GALNT17: variants seen among roughly 807,000 people sequenced by gnomAD.
GALNT17 encodes UDP-GalNAc:polypeptide N-acetylgalactosaminyltransferase-like 3.
A neutral mutation model predicts 63.7 loss-of-function variants in GALNT17; 29 were observed. That is an observed-to-expected ratio of 0.46 (90% confidence interval 0.34 to 0.62). The LOEUF (loss-of-function observed/expected upper bound fraction) is 0.62, where lower values mean the gene tolerates loss of function less well. Ranked by LOEUF, GALNT17 falls within the 20% of genes least tolerant of loss-of-function variation. The pLI, the probability that GALNT17 is intolerant of heterozygous loss-of-function variation, is 0.01. For missense variants in GALNT17, 603 were observed against 799.6 expected (o/e 0.75, Z 2.97); for synonymous variants, 305 against 318.3 (o/e 0.96, Z 0.45).
Position 71,531,077 on chromosome 7 carries a change from T to G in GALNT17, c.963-40208T>G, listed in dbSNP as rs2116779774. On this transcript the variant is annotated intron_variant, in intron 5 of 10. Coordinates refer to ENST00000333538, the MANE Select transcript of GALNT17 (RefSeq NM_022479.3). ...TTTAATTACTTTATATCAAAATGTA[T>G]TTTTATTAAAATATTTTTAAACCAT... Among the ~76,000 whole-genome samples, 2 of 152,278 alleles carry G rather than the reference T, an allele frequency of 1.3e-5. 1 individual carries two copies. The highest frequency in any genetic ancestry group is 4.1e-4 in the South Asian group (2 of 4,828).
chr7:71,550,341 T>C (rs1356609178), intron 5 of GALNT17, among the ~76,000 whole-genome samples: 1 of 151,996 alleles, frequency 6.6e-6, no homozygotes, highest in Non-Finnish European at 1.5e-5. Flanking sequence ...TACATGAGCT[T>C]TTTATTATAT....
chr7:71,329,997 A>G (rs28890822), intron 1 of GALNT17, among the ~76,000 whole-genome samples: 1,058 of 22,722 alleles, frequency 0.047, 27 homozygotes, highest in African/African-American at 0.18. Flanking sequence ...ATATATATAC[A>G]TATATGTGTG....
At chr7:71,506,252 ATTTT>A (rs1788266815) in intron 5 of GALNT17, among the ~76,000 whole-genome samples, 1 of 25,086 alleles carries the variant, frequency 4.0e-5, no homozygotes, top group Non-Finnish European at 2.0e-4. Context: ...AGGAATTTTT[ATTTT>A]ATTTTATTTT....
At chr7:71,504,288 G>T (rs1248198704) in intron 5 of GALNT17, among the ~76,000 whole-genome samples, 2 of 151,866 alleles carry the variant, frequency 1.3e-5, no homozygotes, top group East Asian at 1.9e-4. Context: ...AGCTACTCTC[G>T]GGAGGCTGAG....
chr7:71,168,134 T>C (rs955387323), intron 1 of GALNT17, among the ~76,000 whole-genome samples: 13 of 152,210 alleles, frequency 8.5e-5, no homozygotes, highest in African/African-American at 3.1e-4. Flanking sequence ...TTATTGTCCA[T>C]GTATGTCTAG....
intron 6 of GALNT17, among the ~76,000 whole-genome samples, chr7:71,625,399 G>GCCTC (rs1477965317): frequency 6.6e-6 from 1 of 152,092 alleles, no homozygotes; most frequent in African/African-American, 2.4e-5. Flanking sequence ...ACCCGCCTTG[G>GCCTC]CCTCCCAAAG....
chr7:71,698,838 AAAC>A (rs935378736), intron 9 of GALNT17, among the ~76,000 whole-genome samples: 2 of 152,162 alleles, frequency 1.3e-5, no homozygotes, highest in Admixed American at 1.3e-4. Flanking sequence ...TAAATTTTTA[AAAC>A]TCCAGCTGTA....
At position 71,522,433 on chromosome 7, in the gene GALNT17, T is replaced by C. The variant is rs568557885; in HGVS notation, c.963-48852T>C. ...TGTGGCTGGGGAAGCCTCACAATCA[T>C]GGTGGAAGTCAAGGAGGAGCAAGTC... On this transcript the variant is annotated intron_variant, in intron 5 of 10. Coordinates refer to ENST00000333538, the MANE Select transcript of GALNT17 (RefSeq NM_022479.3). Among the ~76,000 whole-genome samples, 5 of 152,304 alleles carry C rather than the reference T, an allele frequency of 3.3e-5. No individual in the cohort carries two copies. In the East Asian group the frequency reaches 9.6e-4, roughly 29 times the overall value.
chr7:71,591,158 G>A (rs919194005), intron 6 of GALNT17, among the ~76,000 whole-genome samples: 3 of 152,148 alleles, frequency 2.0e-5, no homozygotes, highest in African/African-American at 7.2e-5. Context: ...ATGGGTTCAA[G>A]CGATTCTCCT....
At chr7:71,502,716 C>G (rs925806644) in intron 5 of GALNT17, among the ~76,000 whole-genome samples, 1 of 152,182 alleles carries the variant, frequency 6.6e-6, no homozygotes, top group Non-Finnish European at 1.5e-5. Context: ...ATGCCAGCAC[C>G]CAGCCTTGGA....
chr7:71,608,771 T>C (rs1790082772), intron 6 of GALNT17, among the ~76,000 whole-genome samples: 1 of 151,994 alleles, frequency 6.6e-6, no homozygotes, highest in African/African-American at 2.4e-5. Flanking sequence ...CTGGGAATCC[T>C]TTATTATTAA....
intron 1 of GALNT17, among the ~76,000 whole-genome samples, chr7:71,190,054 G>T (rs1236811906): frequency 6.6e-6 from 1 of 152,014 alleles, no homozygotes; most frequent in African/African-American, 2.4e-5. Context: ...CTTGTGATCT[G>T]CCCACCTTGG....
intron 5 of GALNT17, among the ~76,000 whole-genome samples, chr7:71,461,656 G>T (rs1265411004): frequency 6.6e-6 from 1 of 152,142 alleles, no homozygotes; most frequent in Non-Finnish European, 1.5e-5. Flanking sequence ...TCAGAAATGA[G>T]ACCTCCATTA....
intron 1 of GALNT17, among the ~76,000 whole-genome samples, chr7:71,303,646 C>G (rs1199748538): frequency 6.6e-6 from 1 of 152,122 alleles, no homozygotes. Flanking sequence ...GCACGTCGAC[C>G]TGTTGCTTGG....
chr7:71,228,721 T>G (rs1304855197), intron 1 of GALNT17, among the ~76,000 whole-genome samples: 2 of 152,304 alleles, frequency 1.3e-5, no homozygotes, highest in Admixed American at 1.3e-4. Flanking sequence ...CTATTGAACT[T>G]CCCCTGCCTC....
chr7:71,165,460 A>G (rs1986135), intron 1 of GALNT17, among the ~76,000 whole-genome samples: 105,368 of 147,718 alleles, frequency 0.71, 36,819 homozygotes, highest in Middle Eastern at 0.8. Context: ...TCACATGGCG[A>G]CAGACAAGAG....
At chr7:71,701,743 GTATATATATGTATATATATGTGTA>G (rs1791636219) in intron 9 of GALNT17, among the ~76,000 whole-genome samples, 2 of 20,506 alleles carry the variant, frequency 9.8e-5, no homozygotes, top group Non-Finnish European at 2.4e-4. Context: ...ATATATATGT[GTATATATATGTATATATATGTGTA>G]TATATATGTG....
chr7:71,440,476 C>A (rs986648599), intron 5 of GALNT17, among the ~76,000 whole-genome samples: 1 of 151,278 alleles, frequency 6.6e-6, no homozygotes, highest in African/African-American at 2.4e-5. Context: ...CTGGGTTCAA[C>A]CAATTCTCCT....
chr7:71,243,877 G>A lies in GALNT17; in HGVS notation c.239-91673G>A, dbSNP rs1790047956. ...CAAGTCTATTGAATTTGGCCATGAT[G>A]AGGTCATGATGTCGTTGGCAGGATC... On this transcript the variant is annotated intron_variant, in intron 1 of 10. Transcript: ENST00000333538. Among the ~76,000 whole-genome samples the A allele has an allele frequency of 2.6e-5, 4 of 152,186 alleles. 1 individual carries two copies. The highest frequency in any genetic ancestry group is 2.0e-4 in the Admixed American group (3 of 15,284).
Sources: allele counts gnomAD v4.1 joint callset (sites outside exome capture counted in the v4.1 genomes callset), GRCh38; gene constraint gnomAD v4.1.1; transcripts MANE v1.5; gene names NCBI Gene and HGNC (gene_info 2026-07-23, HGNC 2026-07-21).